Variants in RIMS2 observed in about 807,000 individuals in gnomAD.
The protein encoded by RIMS2 is regulating synaptic membrane exocytosis 2.
Under a neutral mutation model 174.4 loss-of-function variants are expected in RIMS2, and 59 were observed. That is an observed-to-expected ratio of 0.34 (90% CI 0.27 to 0.42). The LOEUF (loss-of-function observed/expected upper bound fraction) is 0.42, where lower values mean the gene tolerates loss of function less well. Among genes scored for constraint, RIMS2 ranks in the 10% least tolerant of loss-of-function variants. The probability of loss-of-function intolerance (pLI) is 1.00; values close to 1 mark genes in which losing one functional copy is unlikely to be tolerated. For missense variants in RIMS2, 1,620 were observed against 1,666.3 expected (o/e 0.97, Z 0.48); for synonymous variants, 606 against 572.5 (o/e 1.06, Z -0.84).
intron 4 of RIMS2, among the ~76,000 whole-genome samples, chr8:103,901,628 C>A (rs2154524536): frequency 6.6e-6 from 1 of 152,114 alleles, no homozygotes; most frequent in Middle Eastern, 3.4e-3. Context: ...AGAACAGTTT[C>A]AAATTGTGTA....
chr8:104,131,668 C>A (rs928933653), intron 19 of RIMS2, among the ~76,000 whole-genome samples: 3 of 151,646 alleles, frequency 2.0e-5, no homozygotes. Context: ...AAGCTAAAAA[C>A]AATATTTTAA....
intron 17 of RIMS2, among the ~76,000 whole-genome samples, chr8:104,004,833 T>C (rs1036767157): frequency 6.6e-6 from 1 of 151,122 alleles, no homozygotes; most frequent in African/African-American, 2.4e-5. Context: ...AGGAAGAAAA[T>C]AGATGGGAGA....
intron 19 of RIMS2, among the ~76,000 whole-genome samples, chr8:104,240,719 G>T (rs1459355864): frequency 6.6e-6 from 1 of 152,084 alleles, no homozygotes; most frequent in Admixed American, 6.6e-5. Context: ...CATAAATGAG[G>T]AGCCAGAGAC....
intron 19 of RIMS2, chr8:104,148,669 G>T (rs1566691861): frequency 1.3e-6 from 2 of 1,598,208 alleles, no homozygotes; most frequent in Admixed American, 1.7e-5. Flanking sequence ...ATGACAAAAA[G>T]CACCAGCATC....
chr8:103,540,246 A>G (rs190044681), intron 1 of RIMS2, among the ~76,000 whole-genome samples: 1 of 152,308 alleles, frequency 6.6e-6, no homozygotes, highest in Non-Finnish European at 1.5e-5. Context: ...GCGAGACCCA[A>G]CATGAAGAGG....
chr8:103,512,685 GA>G (rs1827120119), intron 1 of RIMS2, among the ~76,000 whole-genome samples: 2 of 152,194 alleles, frequency 1.3e-5, no homozygotes, highest in South Asian at 4.1e-4. Context: ...AGAACCAGGA[GA>G]ATTTGTTGAA....
intron 19 of RIMS2, among the ~76,000 whole-genome samples, chr8:104,046,457 A>G (rs2096697323): frequency 6.6e-6 from 1 of 152,100 alleles, no homozygotes; most frequent in African/African-American, 2.4e-5. Context: ...TTTGAGTGGC[A>G]TATATGACAT....
chr8:103,936,863 A>T, intron 13 of RIMS2, 141 bp downstream of exon 15: 1 of 539,030 alleles, frequency 1.9e-6, no homozygotes, highest in Non-Finnish European at 3.1e-6. Context: ...TGGGAGGCCG[A>T]GGGGGGCGGA....
chr8:103,568,582 T>C (rs1207100110), intron 1 of RIMS2: 4 of 515,638 alleles, frequency 7.8e-6, no homozygotes. Flanking sequence ...GGGTACTACT[T>C]CTTGTCTTCA....
At chr8:103,836,860 A>T (rs1360406551) in intron 3 of RIMS2, among the ~76,000 whole-genome samples, 1 of 152,186 alleles carries the variant, frequency 6.6e-6, no homozygotes, top group Non-Finnish European at 1.5e-5. Flanking sequence ...TCTTATTTGT[A>T]TTTTTTAGTG....
rs772508541 is a variant in RIMS2 at position 103,697,069 on chromosome 8, A to G, written c.177-17A>G. On this transcript the variant is annotated splice_polypyrimidine_tract_variant and intron_variant, in intron 1 of 23. Coordinates refer to ENST00000504942, the Ensembl canonical transcript of RIMS2. ...CATCAGGAAACCAACTTTTTTTCTT[A>G]TCTATTTTCTCTGCAGAAAACTGCA... The G allele has an allele frequency of 3.2e-6, 5 of 1,584,602 alleles. No individual in the cohort carries two copies. The South Asian group carries it at 4.4e-5, about 14-fold the overall frequency.
chr8:103,668,774 G>C (rs75032246), intron 1 of RIMS2, among the ~76,000 whole-genome samples: 5 of 151,804 alleles, frequency 3.3e-5, no homozygotes, highest in Admixed American at 6.6e-5. Flanking sequence ...TTGAACTCCC[G>C]GGCTCAAGCA....
At chr8:104,059,338 A>G (rs1420794271) in intron 19 of RIMS2, among the ~76,000 whole-genome samples, 5,681 of 149,302 alleles carry the variant, frequency 0.038, 300 homozygotes, top group African/African-American at 0.13. Context: ...GCAATTGTGA[A>G]TGGGAGTTCA....
chr8:103,745,692 C>CT (rs1301432550), intron 2 of RIMS2, among the ~76,000 whole-genome samples: 2 of 152,154 alleles, frequency 1.3e-5, no homozygotes, highest in East Asian at 3.9e-4. Context: ...CTCATTATGG[C>CT]TTTTGATTTG....
At chr8:103,827,161 G>A (rs1200123972) in intron 3 of RIMS2, among the ~76,000 whole-genome samples, 1 of 152,004 alleles carries the variant, frequency 6.6e-6, no homozygotes, top group African/African-American at 2.4e-5. Context: ...GTGTTTTATA[G>A]TTTTTAGAGT....
intron 8 of RIMS2, 34 bp from the exon 12 acceptor site, chr8:103,918,407 T>C (rs755750773): frequency 1.4e-5 from 20 of 1,406,484 alleles, no homozygotes; most frequent in Admixed American, 1.1e-4. Flanking sequence ...GTTGAAACAG[T>C]TTCTGTCTTT....
chr8:104,248,218 G>A (rs2099346231), intron 20 of RIMS2, among the ~76,000 whole-genome samples: 3 of 152,220 alleles, frequency 2.0e-5, no homozygotes. Context: ...GGTAGTAACT[G>A]GAGAGGGAAA....
chr8:103,780,966 G>C (rs11781452), intron 3 of RIMS2, among the ~76,000 whole-genome samples: 1 of 151,834 alleles, frequency 6.6e-6, no homozygotes, highest in Non-Finnish European at 1.5e-5. Context: ...GGTACCTTAA[G>C]CCAAAGTTTG....
chr8:103,674,749 G>A (rs1050831391), intron 1 of RIMS2, among the ~76,000 whole-genome samples: 1 of 151,804 alleles, frequency 6.6e-6, no homozygotes, highest in Non-Finnish European at 1.5e-5. Flanking sequence ...AAGTAATTTT[G>A]AACTGTTTTA....
Sources: allele counts gnomAD v4.1 joint callset (sites outside exome capture counted in the v4.1 genomes callset), GRCh38; gene constraint gnomAD v4.1.1; transcripts MANE v1.5; gene names NCBI Gene and HGNC (gene_info 2026-07-23, HGNC 2026-07-21).